Variants in NRG3 observed in about 807,000 individuals in gnomAD.
NRG3 encodes neuregulin 3.
In NRG3, 31 loss-of-function variants were observed where a neutral mutation model predicts 66.9. The ratio of observed to expected loss-of-function variants is 0.46; its 90% CI spans 0.35 to 0.63. The LOEUF (loss-of-function observed/expected upper bound fraction) is 0.63. Among genes scored for constraint, NRG3 ranks in the 20% least tolerant of loss-of-function variants. NRG3 has a pLI of 0.00. For synonymous variants in NRG3, 393 were observed against 359.4 expected (o/e 1.09, Z -1.06); for missense variants, 910 against 878.9 (o/e 1.04, Z -0.45).
rs538430345 is a variant in NRG3, at chr10:81,950,616, A to G, written c.823+74453A>G. 2.4e-3 allele frequency among the ~76,000 whole-genome samples: 372 copies of G among 152,298 alleles called. 1 individual carries two copies. Among genetic ancestry groups the G allele is most frequent in the African/African-American group, 8.6e-3 (359 of 41,554 alleles). ...GCCAAGCCTCATTGTACGGGAAGGT[A>G]AACTGCTGCCTTCAGATGGATTTTG... On this transcript the variant is annotated intron_variant, in intron 1 of 8. Transcript: ENST00000372141.
chr10:82,728,414 C>A (rs1454286702), intron 2 of NRG3, among the ~76,000 whole-genome samples: 1 of 152,148 alleles, frequency 6.6e-6, no homozygotes, highest in Non-Finnish European at 1.5e-5. Context: ...ATGGGTCTCA[C>A]AAGATCCGAT....
chr10:82,823,827 T>G (rs1327838445), intron 3 of NRG3, among the ~76,000 whole-genome samples: 1 of 152,192 alleles, frequency 6.6e-6, no homozygotes, highest in South Asian at 2.1e-4. Context: ...CCCAGTTCTT[T>G]TTTTTAATTG....
chr10:82,139,824 T>G (rs902230475), intron 1 of NRG3, among the ~76,000 whole-genome samples: 6 of 152,166 alleles, frequency 3.9e-5, no homozygotes, highest in African/African-American at 1.4e-4. Context: ...TTTAAAACCC[T>G]TCATATCTGA....
intron 7 of NRG3, among the ~76,000 whole-genome samples, chr10:82,976,438 A>G (rs1226572043): frequency 2.0e-5 from 3 of 152,124 alleles, no homozygotes; most frequent in Non-Finnish European, 2.9e-5. Flanking sequence ...GACCCTTTGA[A>G]TTGCCAGCTG....
intron 1 of NRG3, among the ~76,000 whole-genome samples, chr10:82,093,907 CTGAG>C (rs1346652103): frequency 1.3e-5 from 2 of 152,182 alleles, no homozygotes; most frequent in Non-Finnish European, 2.9e-5. Context: ...GTTTGAGACA[CTGAG>C]TGTGTGGAAA....
chr10:82,836,484 A>C (rs2062782209), intron 3 of NRG3, among the ~76,000 whole-genome samples: 1 of 152,120 alleles, frequency 6.6e-6, no homozygotes, highest in Admixed American at 6.6e-5. Flanking sequence ...CCATGTATAA[A>C]TTTTCAACTC....
chr10:82,175,457 C>G (rs1362986957), intron 1 of NRG3, among the ~76,000 whole-genome samples: 2 of 152,164 alleles, frequency 1.3e-5, no homozygotes, highest in Non-Finnish European at 1.5e-5. Context: ...CCAGACTATA[C>G]TTTCCTCTAA....
In NRG3 at chr10:82,676,681, G is replaced by T. The variant is rs553672577; in HGVS notation, c.954-61896G>T. On this transcript the variant is annotated intron_variant, in intron 2 of 8. Coordinates refer to ENST00000372141, the MANE Select transcript of NRG3 (RefSeq NM_001010848.4). Reference sequence around the variant, plus strand: ...GTATTTTTAGTAGAGACAGAGTTTTGCCATGTGACTAGGCTGGTCTTGAAT... The same window carrying T: ...GTATTTTTAGTAGAGACAGAGTTTTTCCATGTGACTAGGCTGGTCTTGAAT... Among the ~76,000 whole-genome samples the T allele has an allele frequency of 1.4e-4, 22 of 152,032 alleles. No individual in the cohort carries two copies. The South Asian group carries it at 4.6e-3, about 32-fold the overall frequency.
intron 2 of NRG3, among the ~76,000 whole-genome samples, chr10:82,450,187 T>C (rs2090951949): frequency 6.6e-6 from 1 of 152,212 alleles, no homozygotes; most frequent in African/African-American, 2.4e-5. Flanking sequence ...AGAAACCTAC[T>C]TGTTTTGTTT....
At chr10:82,884,235 C>A (rs1215233267) in intron 4 of NRG3, among the ~76,000 whole-genome samples, 1 of 152,100 alleles carries the variant, frequency 6.6e-6, no homozygotes, top group Non-Finnish European at 1.5e-5. Flanking sequence ...AAATATCACT[C>A]TTAGTGGACT....
chr10:82,514,876 C>T (rs1014467396), intron 2 of NRG3, among the ~76,000 whole-genome samples: 1 of 152,014 alleles, frequency 6.6e-6, no homozygotes, highest in African/African-American at 2.4e-5. Flanking sequence ...GTGTTGTTTC[C>T]AGTTTTGTTA....
At chr10:82,330,562 C>G (rs992412304) in intron 1 of NRG3, among the ~76,000 whole-genome samples, 3 of 152,110 alleles carry the variant, frequency 2.0e-5, no homozygotes, top group Non-Finnish European at 4.4e-5. Context: ...TATGGCAATA[C>G]AGATATTTGA....
At chr10:82,504,793 C>T (rs553557334) in intron 2 of NRG3, among the ~76,000 whole-genome samples, 14 of 152,202 alleles carry the variant, frequency 9.2e-5, no homozygotes, top group South Asian at 4.1e-4. Context: ...TATTTTGGAG[C>T]GGCTCTTATA....
intron 2 of NRG3, among the ~76,000 whole-genome samples, chr10:82,681,677 CA>C (rs2054121361): frequency 6.6e-6 from 1 of 152,192 alleles, no homozygotes; most frequent in Non-Finnish European, 1.5e-5. Context: ...CTTTTGGTTT[CA>C]TTGCTATTTA....
At position 82,651,980 on chromosome 10, in the gene NRG3, G is replaced by A. The variant is rs2051451262; in HGVS notation, c.954-86597G>A. Among the ~76,000 whole-genome samples the A allele has an allele frequency of 2.0e-5, 3 of 152,312 alleles. No individual in the cohort carries two copies. The South Asian group carries it at 6.2e-4, about 32-fold the overall frequency. ...ACCCACAGTTCTTGACTCCTTGTGGGAGGAAGCACACAAGTGAGTGAGGCA... is the reference window on the plus strand; with the variant it reads ...ACCCACAGTTCTTGACTCCTTGTGGAAGGAAGCACACAAGTGAGTGAGGCA... On this transcript the variant is annotated intron_variant, in intron 2 of 8. Coordinates refer to ENST00000372141, the MANE Select transcript of NRG3 (RefSeq NM_001010848.4).
At chr10:82,282,598 C>T (rs1164039891) in intron 1 of NRG3, among the ~76,000 whole-genome samples, 1 of 152,100 alleles carries the variant, frequency 6.6e-6, no homozygotes, top group Non-Finnish European at 1.5e-5. Flanking sequence ...CTTCTAGCCT[C>T]GGTTTCCTCA....
intron 1 of NRG3, among the ~76,000 whole-genome samples, chr10:82,079,149 A>C (rs1022690633): frequency 6.6e-6 from 1 of 151,264 alleles, no homozygotes; most frequent in Non-Finnish European, 1.5e-5. Context: ...GGTTCAAGTG[A>C]TTCTTCTGCC....
chr10:81,899,821 G>A (rs1337888334), intron 1 of NRG3, among the ~76,000 whole-genome samples: 1 of 152,156 alleles, frequency 6.6e-6, no homozygotes, highest in Non-Finnish European at 1.5e-5. Context: ...ATAGTTGAAT[G>A]TTTGTCATAC....
At chr10:82,657,914 A>AG (rs544510612) in intron 2 of NRG3, among the ~76,000 whole-genome samples, 2 of 151,816 alleles carry the variant, frequency 1.3e-5, no homozygotes, top group Admixed American at 1.3e-4. Context: ...GAAAAAAAAA[A>AG]AAATCCCTCT....
Sources: gnomAD v4.1 joint callset for allele counts (sites outside exome capture counted in the v4.1 genomes callset) on GRCh38, gnomAD v4.1.1 for gene constraint, MANE v1.5 for transcripts, NCBI Gene and HGNC (gene_info 2026-07-23, HGNC 2026-07-21) for gene names.